Variants in DYRK1A observed in about 807,000 individuals in gnomAD.
The protein encoded by DYRK1A is dual specificity tyrosine-phosphorylation-regulated kinase 1A.
A neutral mutation model predicts 79.7 loss-of-function variants in DYRK1A; 9 were observed. The observed-to-expected ratio is 0.11, with a 90% CI of 0.07 to 0.20. The LOEUF is 0.20. Ranked by LOEUF, DYRK1A falls within the 10% of genes least tolerant of loss-of-function variation. DYRK1A has a pLI of 1.00. For synonymous variants in DYRK1A, 349 were observed against 329.7 expected, an observed-to-expected ratio of 1.06 and a Z score of -0.63; for missense variants, 622 against 956.0, an observed-to-expected ratio of 0.65 and a Z score of 4.61.
chr21:37,505,232 T>C lies in DYRK1A; in HGVS notation c.1213-51T>C, dbSNP rs755199150. On this transcript the variant is annotated intron_variant, in intron 9 of 11. Coordinates refer to ENST00000647188, the MANE Select transcript of DYRK1A (RefSeq NM_001347721.2). ...TATTTGAAATTCAATTATGTGAGTG[T>C]TTACGTATTCCACCAAATTTAGAGA... The C allele has an allele frequency of 3.5e-6, 5 of 1,421,014 alleles. No homozygotes were observed. In the East Asian group the frequency reaches 1.1e-4, roughly 33 times the overall value. 88.0% of individuals were successfully genotyped at this position (1,421,014 alleles called of 1,614,324 possible). A position where few individuals can be genotyped will look rare whatever the true frequency, so the allele number is the denominator to read the frequency against.
intron 1 of DYRK1A, among the ~76,000 whole-genome samples, chr21:37,378,694 C>T (rs1053329716): frequency 6.6e-6 from 1 of 152,080 alleles, no homozygotes; most frequent in Admixed American, 6.6e-5. Flanking sequence ...AGATATGAGT[C>T]GTGGTAGAAG....
chr21:37,375,948 C>T (rs1359143292), intron 1 of DYRK1A, among the ~76,000 whole-genome samples: 3 of 151,958 alleles, frequency 2.0e-5, no homozygotes, highest in Admixed American at 1.3e-4. Context: ...CCTTTTGGCC[C>T]GCCAAGCCCC....
intron 1 of DYRK1A, among the ~76,000 whole-genome samples, chr21:37,391,499 A>G (rs756973106): frequency 1.5e-4 from 23 of 152,236 alleles, no homozygotes; most frequent in Non-Finnish European, 3.1e-4. Flanking sequence ...GTGAGAGAAC[A>G]GAGGTAAATG....
At position 37,478,255 on chromosome 21, in the gene DYRK1A, A is replaced by G; in HGVS notation, c.255A>G (p.Arg85=). The change falls in exon 4 of 12, where the codon AGA becomes AGG. Residue 85 remains arginine, a synonymous_variant. Coordinates refer to ENST00000647188, the MANE Select transcript of DYRK1A (RefSeq NM_001347721.2). ...GTGACCCAGCAACTGCTCCCCTGAG[A>G]AAACTTTCTGTTGACTTGATCAAAA... is the stretch of plus-strand genomic sequence containing the variant. ...TFRDPATAPL[R]KLSVDLIKTY... 1 of 1,614,158 alleles carries G rather than the reference A, an allele frequency of 6.2e-7. No homozygotes were observed. The highest frequency in any genetic ancestry group is 8.5e-7 in the Non-Finnish European group (1 of 1,179,988).
rs1472146928 is a variant in DYRK1A at position 37,526,344 on chromosome 21, A to G, written c.*13813A>G. Reference sequence around the variant, plus strand: ...TGTATAAATGTGTTTTATGTAATAAATATGCTAAGCTAAACATCTTATGCT... The same window carrying G: ...TGTATAAATGTGTTTTATGTAATAAGTATGCTAAGCTAAACATCTTATGCT... On this transcript the variant is annotated 3_prime_UTR_variant, in exon 12 of 12. Coordinates refer to ENST00000647188, the MANE Select transcript of DYRK1A (RefSeq NM_001347721.2). 2.0e-5 allele frequency: 3 copies of G among 152,214 alleles called. No homozygotes were observed. Among genetic ancestry groups the G allele is most frequent in the South Asian group, 4.1e-4 (2 of 4,834 alleles). The allele number at this position is 152,214 out of a possible 1,614,324, so 9.4% of individuals were successfully genotyped here.
rs2053924509 is a variant in DYRK1A, at chr21:37,520,164, G to A, written c.*7633G>A. On this transcript the variant is annotated 3_prime_UTR_variant, in exon 12 of 12. Transcript: ENST00000647188. Reference sequence around the variant, plus strand: ...GGAGGAATAACTGTGGTAAGGGTCTGTTTTTGAACAGGCATGGTCATTAGA... The same window carrying A: ...GGAGGAATAACTGTGGTAAGGGTCTATTTTTGAACAGGCATGGTCATTAGA... 1.3e-5 allele frequency: 2 copies of A among 152,238 alleles called. No individual in the cohort carries two copies. Among genetic ancestry groups the A allele is most frequent in the East Asian group, 3.8e-4 (2 of 5,204 alleles). The allele number at this position is 152,238 out of a possible 1,614,324, so 9.4% of individuals were successfully genotyped here.
Position 37,517,664 on chromosome 21 carries a change from GTT to G in DYRK1A, c.*5134_*5135del, listed in dbSNP as rs1260255272. 2.0e-5 allele frequency: 3 copies of G among 152,220 alleles called. No homozygotes were observed. The highest frequency in any genetic ancestry group is 6.5e-5 in the Admixed American group (1 of 15,278). The allele number at this position is 152,220 out of a possible 1,614,324, so 9.4% of individuals were successfully genotyped here. The stretch of plus-strand genomic sequence containing the variant: ...GCCAAGCAGGTGTGCCGGGCAGGGA[GTT>G]GTTAATGAACACCCAGGCAAGAGGA... On this transcript the variant is annotated 3_prime_UTR_variant, in exon 12 of 12. Coordinates refer to ENST00000647188, the MANE Select transcript of DYRK1A (RefSeq NM_001347721.2).
chr21:37,476,754 TAAATC>T (rs75697375), intron 3 of DYRK1A, among the ~76,000 whole-genome samples: 38,316 of 151,168 alleles, frequency 0.25, 5,776 homozygotes, highest in East Asian at 0.49. Flanking sequence ...TTTGAAAAAT[TAAATC>T]AGATCATCTT....
Position 37,370,050 on chromosome 21 carries a change from G to C in DYRK1A, c.-77+2422G>C, listed in dbSNP as rs147410776. ...TATTGTCTGATGTTTGCTCCTTCGT[G>C]TTACTTATGGAGAGTTACTGTTTAT... On this transcript the variant is annotated intron_variant, in intron 1 of 11. Transcript: ENST00000647188. Among the ~76,000 whole-genome samples the C allele has an allele frequency of 3.5e-3, 526 of 152,240 alleles. 1 individual carries two copies. The highest frequency in any genetic ancestry group is 6.0e-3 in the Non-Finnish European group (410 of 67,992).
At chr21:37,420,142 AG>A (rs2050437624) in intron 1 of DYRK1A, 156 bp from the exon 2 acceptor site, 1 of 356,880 alleles carries the variant, frequency 2.8e-6, no homozygotes, top group Non-Finnish European at 5.1e-6. Context: ...TTGAAGACTA[AG>A]GAAAATTTAA....
rs1253333522 is a variant in DYRK1A, at chr21:37,517,876, G to T, written c.*5345G>T. On this transcript the variant is annotated 3_prime_UTR_variant, in exon 12 of 12. Transcript: ENST00000647188. ...GAAAATACCTCTAGTGGCATGAAACGGCTAAGTTTTTTTTAATGTTACTTC... is the reference window on the plus strand; with the variant it reads ...GAAAATACCTCTAGTGGCATGAAACTGCTAAGTTTTTTTTAATGTTACTTC... 1.3e-5 allele frequency: 2 copies of T among 152,140 alleles called. No homozygotes were observed. The highest frequency in any genetic ancestry group is 4.8e-5 in the African/African-American group (2 of 41,410). The allele number at this position is 152,140 out of a possible 1,614,324, so 9.4% of individuals were successfully genotyped here. A position where few individuals can be genotyped will look rare whatever the true frequency, so the allele number is the denominator to read the frequency against.
chr21:37,473,196 C>A (rs555828121), intron 3 of DYRK1A, among the ~76,000 whole-genome samples: 26 of 152,076 alleles, frequency 1.7e-4, no homozygotes, highest in Non-Finnish European at 2.8e-4. Flanking sequence ...AAGTTAAAAC[C>A]GTTACAGGAA....
In DYRK1A at chr21:37,382,234, AT is replaced by A. The variant is rs962549148; in HGVS notation, c.-77+14615del. ...TTTTTTTTTTAAAAAAAAAAATTAAATTTTTTTTTATAGTGATCTCACTTTT... is the reference window on the plus strand; with the variant it reads ...TTTTTTTTTTAAAAAAAAAAATTAAATTTTTTTTATAGTGATCTCACTTTT... On this transcript the variant is annotated intron_variant, in intron 1 of 11. Coordinates refer to ENST00000647188, the MANE Select transcript of DYRK1A (RefSeq NM_001347721.2). 2.7e-4 allele frequency among the ~76,000 whole-genome samples: 41 copies of A among 150,602 alleles called. No individual in the cohort carries two copies. The South Asian group carries it at 3.4e-3, about 12-fold the overall frequency.
At chr21:37,375,499 A>G (rs2049518813) in intron 1 of DYRK1A, among the ~76,000 whole-genome samples, 1 of 147,390 alleles carries the variant, frequency 6.8e-6, no homozygotes, top group Non-Finnish European at 1.5e-5. Flanking sequence ...TAAAATTAGA[A>G]TATTCCTAGA....
intron 1 of DYRK1A, among the ~76,000 whole-genome samples, chr21:37,389,188 T>C (rs1229260955): frequency 6.6e-6 from 1 of 151,712 alleles, no homozygotes; most frequent in East Asian, 1.9e-4. Context: ...CTTACTTTTC[T>C]CTCTCTCTCT....
intron 1 of DYRK1A, among the ~76,000 whole-genome samples, chr21:37,394,439 T>C (rs1602396006): frequency 6.6e-6 from 1 of 151,854 alleles, no homozygotes; most frequent in South Asian, 2.1e-4. Context: ...GATTTGGGAG[T>C]GAAGAAAGTA....
chr21:37,439,092 T>TA (rs2051012137), intron 2 of DYRK1A, among the ~76,000 whole-genome samples: 1 of 152,240 alleles, frequency 6.6e-6, no homozygotes, highest in African/African-American at 2.4e-5. Flanking sequence ...TTCTGATATA[T>TA]AGTTACAGTA....
At chr21:37,401,247 A>G (rs1257304718) in intron 1 of DYRK1A, among the ~76,000 whole-genome samples, 3 of 152,202 alleles carry the variant, frequency 2.0e-5, no homozygotes, top group Non-Finnish European at 2.9e-5. Context: ...CATTGTGAAT[A>G]AAATATAAGC....
intron 7 of DYRK1A, among the ~76,000 whole-genome samples, chr21:37,491,429 T>C (rs575178915): frequency 6.6e-6 from 1 of 152,326 alleles, no homozygotes; most frequent in African/African-American, 2.4e-5. Context: ...CATACAGATG[T>C]TAATTTTTCT....
Sources: gnomAD v4.1 joint callset for allele counts (sites outside exome capture counted in the v4.1 genomes callset) on GRCh38, gnomAD v4.1.1 for gene constraint, MANE v1.5 for transcripts, NCBI Gene and HGNC (gene_info 2026-07-23, HGNC 2026-07-21) for gene names.